IQCH: variants seen among roughly 807,000 people sequenced by gnomAD.
IQCH encodes the protein IQ domain-containing protein H.
IQCH carries 98 observed loss-of-function variants against 117.0 expected under a neutral mutation model. That is an observed-to-expected ratio of 0.84 (90% CI 0.71 to 0.99). IQCH has a LOEUF of 0.99. Ranked by LOEUF, IQCH falls within the 50% of genes least tolerant of loss-of-function variation. IQCH has a pLI of 0.00. For synonymous variants in IQCH, 412 were observed against 448.2 expected (o/e 0.92, Z 1.02); for missense variants, 1,102 against 1,243.8 (o/e 0.89, Z 1.72).
At chr15:67,296,269 T>G (rs531967627) in intron 4 of IQCH, among the ~76,000 whole-genome samples, 2 of 152,190 alleles carry the variant, frequency 1.3e-5, no homozygotes, top group African/African-American at 4.8e-5. Flanking sequence ...CAAGTTTGAA[T>G]AAAAGTGTGA....
chr15:67,296,635 T>A (rs1387845160), intron 4 of IQCH, among the ~76,000 whole-genome samples: 8 of 152,156 alleles, frequency 5.3e-5, no homozygotes, highest in Admixed American at 5.2e-4. Flanking sequence ...CTGTGGGGAC[T>A]AGAGAGGGTA....
At position 67,445,543 on chromosome 15, in the gene IQCH, ATTC is replaced by A. The variant is rs1396137588; in HGVS notation, c.2506-19579_2506-19577del. On this transcript the variant is annotated intron_variant, in intron 16 of 20. Coordinates refer to ENST00000335894, the MANE Select transcript of IQCH (RefSeq NM_001031715.3). The surrounding 1 kb of genome is among the most constrained non-coding windows in gnomAD (Gnocchi z 4.3). ...AACCTCTGCCTCCTGGGTTCAAGCA[ATTC>A]TTCTGCCTCAGCCTCCCAAGTAGCT... 2.0e-5 allele frequency among the ~76,000 whole-genome samples: 3 copies of A among 152,064 alleles called. No homozygotes were observed. The highest frequency in any genetic ancestry group is 3.9e-4 in the East Asian group (2 of 5,170).
At position 67,388,997 on chromosome 15, in the gene IQCH, C is replaced by T; in HGVS notation, c.1623C>T (p.Asn541=). The change falls in exon 12 of 21, where the codon AAC becomes AAT. Residue 541 remains asparagine (N), a synonymous_variant. Coordinates refer to ENST00000335894, the MANE Select transcript of IQCH (RefSeq NM_001031715.3). The surrounding 1 kb of genome is among the most constrained non-coding windows in gnomAD (Gnocchi z 5.5). ...AAATTATCACACCTGAAGCTGTAAA[C>T]ATCTTCCCTGTGAGTTTGTGTTCTA... ...RFKIITPEAV[N]IFPKHHMCLA... 2 of 1,612,726 alleles carry T rather than the reference C, an allele frequency of 1.2e-6. No individual in the cohort carries two copies. The highest frequency in any genetic ancestry group is 1.1e-5 in the South Asian group (1 of 90,916).
At chr15:67,297,652 T>TC (rs1317370376) in intron 4 of IQCH, among the ~76,000 whole-genome samples, 1 of 152,192 alleles carries the variant, frequency 6.6e-6, no homozygotes, top group Non-Finnish European at 1.5e-5. Flanking sequence ...TGCGCAATTT[T>TC]CCCCAATTGT....
At position 67,470,399 on chromosome 15, in the gene IQCH, C is replaced by T. The variant is rs567998019; in HGVS notation, c.2676+5102C>T. Among the ~76,000 whole-genome samples the T allele has an allele frequency of 5.3e-5, 8 of 152,208 alleles. No individual in the cohort carries two copies. The South Asian group carries it at 1.7e-3, about 32-fold the overall frequency. ...TTCACCATGTTGACCAGGATGGTCT[C>T]GATCTCCTGACCTCATGATCCGCCC... On this transcript the variant is annotated intron_variant, in intron 17 of 20. Transcript: ENST00000335894.
chr15:67,271,362 A>G (rs1023245212), intron 3 of IQCH, among the ~76,000 whole-genome samples: 1 of 152,162 alleles, frequency 6.6e-6, no homozygotes, highest in Non-Finnish European at 1.5e-5. Context: ...GTATTGGCCT[A>G]TAGTTTTCTT....
intron 4 of IQCH, chr15:67,306,790 A>T: frequency 1.4e-6 from 2 of 1,457,056 alleles, no homozygotes; most frequent in African/African-American, 2.8e-5. Flanking sequence ...TCAATCTGCC[A>T]AATAGTAACA....
rs887882696 is a variant in IQCH at position 67,365,653 on chromosome 15, C to T, written c.753+5768C>T. 3.3e-5 allele frequency among the ~76,000 whole-genome samples: 5 copies of T among 152,070 alleles called. No individual in the cohort carries two copies. Among genetic ancestry groups the T allele is most frequent in the Non-Finnish European group, 4.4e-5 (3 of 67,992 alleles). On this transcript the variant is annotated intron_variant, in intron 8 of 20. Coordinates refer to ENST00000335894, the MANE Select transcript of IQCH (RefSeq NM_001031715.3). The surrounding 1 kb of genome is among the most constrained non-coding windows in gnomAD (Gnocchi z 4.4). Reference sequence around the variant, plus strand: ...AATACATATGTAGGTATAGAAGCCACGCACGGTGGCTCACGCCTGTAATCC... The same window carrying T: ...AATACATATGTAGGTATAGAAGCCATGCACGGTGGCTCACGCCTGTAATCC...
chr15:67,321,117 CTTCA>C (rs1968097242), intron 4 of IQCH, among the ~76,000 whole-genome samples: 1 of 152,052 alleles, frequency 6.6e-6, no homozygotes, highest in Admixed American at 6.5e-5. Flanking sequence ...ACATACTTTC[CTTCA>C]TTAGTCACAT....
intron 4 of IQCH, among the ~76,000 whole-genome samples, chr15:67,297,114 A>G (rs150831730): frequency 6.6e-6 from 1 of 152,308 alleles, no homozygotes; most frequent in African/African-American, 2.4e-5. Context: ...TGATGCTGTG[A>G]TTGTGGAGGG....
In IQCH at chr15:67,421,531, C is replaced by T. The variant is rs766853627; in HGVS notation, c.2459C>T (p.Ser820Leu). ...CRMRDVVGYF[S>L]IDLVTFIDPS... The stretch of plus-strand genomic sequence containing the variant: ...ATGAGAGATGTGGTTGGTTACTTTT[C>T]GATAGATCTGGTGACTTTTATAGAT... The change falls in exon 16 of 21, where the codon TCG becomes TTG. Residue 820 changes from serine (S) to leucine (L), a missense_variant. Around this residue, in one of 2 missense-constraint regions of IQCH, gnomAD observed 650 missense variants for 794.3 expected, o/e 0.82. Coordinates refer to ENST00000335894, the MANE Select transcript of IQCH (RefSeq NM_001031715.3). 3 of 1,614,164 alleles carry T rather than the reference C, an allele frequency of 1.9e-6. No individual in the cohort carries two copies. Among genetic ancestry groups the T allele is most frequent in the Admixed American group, 1.7e-5 (1 of 60,024 alleles).
chr15:67,455,567 T>C (rs1168361137), intron 16 of IQCH, among the ~76,000 whole-genome samples: 1 of 152,228 alleles, frequency 6.6e-6, no homozygotes, highest in African/African-American at 2.4e-5. Context: ...CTCACTGCAC[T>C]GATTAGGGCC....
At chr15:67,448,028 A>G (rs1007548226) in intron 16 of IQCH, among the ~76,000 whole-genome samples, 1 of 152,182 alleles carries the variant, frequency 6.6e-6, no homozygotes, top group African/African-American at 2.4e-5. Context: ...ACTAATACCT[A>G]TAATAAACTC....
Position 67,479,314 on chromosome 15 carries a change from C to G in IQCH, c.2799+3496C>G, listed in dbSNP as rs1243971541. On this transcript the variant is annotated intron_variant, in intron 18 of 20. Transcript: ENST00000335894. This position sits in a 1 kb window ranked among gnomAD's most constrained non-coding sequence, Gnocchi z 4.6. ...TAAGCATTTTCCCAGGGTCATACAG[C>G]CAGGAATTTTGTGGAACTGACATTT... Among the ~76,000 whole-genome samples, 2 of 152,168 alleles carry G rather than the reference C, an allele frequency of 1.3e-5. No homozygotes were observed. Among genetic ancestry groups the G allele is most frequent in the African/African-American group, 4.8e-5 (2 of 41,450 alleles).
chr15:67,275,844 C>T (rs1394824276), intron 3 of IQCH, among the ~76,000 whole-genome samples: 1 of 152,182 alleles, frequency 6.6e-6, no homozygotes, highest in Non-Finnish European at 1.5e-5. Flanking sequence ...TGTGCCACTG[C>T]ACTCCAGCCT....
At chr15:67,482,853 C>G (rs1010509387) in intron 18 of IQCH, among the ~76,000 whole-genome samples, 1 of 152,094 alleles carries the variant, frequency 6.6e-6, no homozygotes, top group Non-Finnish European at 1.5e-5. Flanking sequence ...AAGGGAGATT[C>G]TGGGGTACAT....
chr15:67,400,011 A>G (rs1182337376), intron 13 of IQCH, 103 bp from the exon 14 acceptor site: 1 of 813,072 alleles, frequency 1.2e-6, no homozygotes, highest in Non-Finnish European at 2.0e-6. Flanking sequence ...ACAGACCATT[A>G]GAAGTAAAGA....
chr15:67,377,107 C>CA (rs1970762425), intron 10 of IQCH, among the ~76,000 whole-genome samples: 1 of 132,874 alleles, frequency 7.5e-6, no homozygotes, highest in Admixed American at 8.6e-5. Flanking sequence ...CACAGCGAGA[C>CA]TCCATCTCAA....
At chr15:67,284,147 T>C (rs1044052063) in intron 4 of IQCH, among the ~76,000 whole-genome samples, 1 of 152,114 alleles carries the variant, frequency 6.6e-6, no homozygotes, top group Admixed American at 6.6e-5. Flanking sequence ...TATTCATTCT[T>C]TCTATTTTTT....
Sources: allele counts gnomAD v4.1 joint callset (sites outside exome capture counted in the v4.1 genomes callset), GRCh38; gene constraint gnomAD v4.1.1; regional missense constraint gnomAD v4.1.1; non-coding constraint Gnocchi (gnomAD v3.1); transcripts MANE v1.5; gene names NCBI Gene and HGNC (gene_info 2026-07-23, HGNC 2026-07-21).